The following PTHLH variants were observed in gnomAD, a reference collection of about 807,000 sequenced individuals.
The protein encoded by PTHLH is parathyroid hormone-related protein.
In PTHLH, 5 loss-of-function variants were observed where a neutral mutation model predicts 18.6. The observed-to-expected ratio is 0.27, with a 90% CI of 0.14 to 0.56. The LOEUF (loss-of-function observed/expected upper bound fraction) is 0.56. Among genes scored for constraint, PTHLH ranks in the 20% least tolerant of loss-of-function variants. PTHLH has a pLI of 0.92. For synonymous variants in PTHLH, 90 were observed against 94.0 expected (o/e 0.96, Z 0.25); for missense variants, 207 against 223.9 (o/e 0.92, Z 0.48).
At chr12:27,969,275 C>T in intron 4 of PTHLH, 119 bp downstream of exon 4, 1 of 1,014,430 alleles carries the variant, frequency 9.9e-7, no homozygotes, top group Non-Finnish European at 1.4e-6. Context: ...GATGGTCCCT[C>T]TCCCTAACCC....
chr12:27,961,243 C>T (rs1273759418), intron 5 of PTHLH, among the ~76,000 whole-genome samples: 1 of 110,628 alleles, frequency 9.0e-6, no homozygotes, highest in African/African-American at 3.2e-5. Context: ...AAATAAAATC[C>T]ATCAAAAGTT....
chr12:27,961,165 G>T lies in PTHLH; in HGVS notation c.524+2183C>A, dbSNP rs181731783. On this transcript the variant is annotated intron_variant, in intron 5 of 5. Coordinates refer to ENST00000545234, the MANE Select transcript of PTHLH (RefSeq NM_198965.2). Reference sequence around the variant, plus strand: ...CTTTAACTTAGGGGTAGTTCCAGGCGTAAGAATTGACGAGTGTTAATTTTC... The same window carrying T: ...CTTTAACTTAGGGGTAGTTCCAGGCTTAAGAATTGACGAGTGTTAATTTTC... Among the ~76,000 whole-genome samples the T allele has an allele frequency of 2.1e-4, 32 of 151,248 alleles. No homozygotes were observed. The East Asian group carries it at 6.2e-3, about 29-fold the overall frequency.
intron 5 of PTHLH, chr12:27,963,029 GAAGATGGTCACT>G (rs1420201329): frequency 1.6e-6 from 2 of 1,240,578 alleles, no homozygotes; most frequent in Middle Eastern, 3.3e-4. Context: ...AGCAAATTAT[GAAGATGGTCACT>G]AGCTTCTGAA....
intron 4 of PTHLH, among the ~76,000 whole-genome samples, chr12:27,965,527 TAC>T (rs2062805181): frequency 6.6e-6 from 1 of 152,192 alleles, no homozygotes; most frequent in African/African-American, 2.4e-5. Context: ...GAGATGAAAA[TAC>T]AGTCATCATT....
At chr12:27,963,194 A>G in intron 5 of PTHLH, 154 bp downstream of exon 5, 1 of 1,525,402 alleles carries the variant, frequency 6.6e-7, no homozygotes, top group Non-Finnish European at 8.8e-7. Context: ...TAAGGCAGAC[A>G]ATATTCTGAG....
At chr12:27,964,172 T>A (rs2120636564) in intron 4 of PTHLH, among the ~76,000 whole-genome samples, 1 of 151,956 alleles carries the variant, frequency 6.6e-6, no homozygotes, top group East Asian at 1.9e-4. Context: ...AGAGTTCTGC[T>A]GAGAAAATAA....
chr12:27,966,397 T>C (rs1490948553), intron 4 of PTHLH, among the ~76,000 whole-genome samples: 1 of 152,240 alleles, frequency 6.6e-6, no homozygotes, highest in Non-Finnish European at 1.5e-5. Flanking sequence ...CTTTACTTAG[T>C]ATTTCAAAAA....
intron 4 of PTHLH, 82 bp downstream of exon 4, chr12:27,969,312 A>G: frequency 7.4e-7 from 1 of 1,349,046 alleles, no homozygotes; most frequent in Non-Finnish European, 1.0e-6. Flanking sequence ...TGACCGCTGC[A>G]AGCCCTCGGC....
Position 27,969,479 on chromosome 12 carries a change from C to G in PTHLH, c.16G>C (p.Val6Leu). Reference sequence around the variant, plus strand: ...AACACCGCGACGCTCCACTGCTGAACCAGTCTCCGCTGCATCGTCTCCGCT... The same window carrying G: ...AACACCGCGACGCTCCACTGCTGAAGCAGTCTCCGCTGCATCGTCTCCGCT... MQRRL[V>L]QQWSVAVFLL... Residue 6 changes from valine to leucine, a missense_variant, in exon 4 of 6, where the codon GTT becomes CTT. Val to Leu is a conservative substitution (Grantham distance 32, BLOSUM62 1). Transcript: ENST00000545234. 1 of 1,586,662 alleles carries G rather than the reference C, an allele frequency of 6.3e-7. No individual in the cohort carries two copies. Among genetic ancestry groups the G allele is most frequent in the Non-Finnish European group, 8.6e-7 (1 of 1,168,286 alleles).
rs6252 is a variant in PTHLH, at chr12:27,958,140, T to C, written c.*419A>G. The C allele has an allele frequency of 0.045, 6,859 of 153,706 alleles. 226 individuals are homozygous for C. Among genetic ancestry groups the C allele is most frequent in the East Asian group, 0.13 (691 of 5,292 alleles). The allele number at this position is 153,706 out of a possible 1,614,324, so 9.5% of individuals were successfully genotyped here. On this transcript the variant is annotated 3_prime_UTR_variant, in exon 6 of 6. Coordinates refer to ENST00000545234, the MANE Select transcript of PTHLH (RefSeq NM_198965.2). ...CATTCTTTACAAATTTAAAATACTG[T>C]TATTTTTACATGCACAAAGGAAAAT...
In PTHLH at chr12:27,963,789, G is replaced by C. The variant is rs1461147815; in HGVS notation, c.102-19C>G. 6.2e-7 allele frequency: 1 copy of C among 1,612,486 alleles called. No individual in the cohort carries two copies. Among genetic ancestry groups the C allele is most frequent in the Admixed American group, 1.7e-5 (1 of 59,992 alleles). ...TCTTTTGCTTTGAAAGAAAATATTAGAGGGGAAGAAAACAGTTAAATTTTA... is the reference window on the plus strand; with the variant it reads ...TCTTTTGCTTTGAAAGAAAATATTACAGGGGAAGAAAACAGTTAAATTTTA... On this transcript the variant is annotated intron_variant, in intron 4 of 5. Coordinates refer to ENST00000545234, the MANE Select transcript of PTHLH (RefSeq NM_198965.2).
chr12:27,961,311 A>ACGTATATATATATATATACACG (rs3032442), intron 5 of PTHLH, among the ~76,000 whole-genome samples: 2 of 108,722 alleles, frequency 1.8e-5, no homozygotes, highest in African/African-American at 7.6e-5. Flanking sequence ...GTATATATAT[A>ACGTATATATATATATATACACG]TATATATATA....
rs1177020860 is a variant in PTHLH at position 27,970,202 on chromosome 12, G to A, written c.-200C>T. The A allele has an allele frequency of 7.9e-6, 4 of 507,108 alleles. No individual in the cohort carries two copies. The highest frequency in any genetic ancestry group is 5.5e-5 in the East Asian group (1 of 18,240). 31.4% of individuals were successfully genotyped at this position (507,108 alleles called of 1,614,324 possible). On this transcript the variant is annotated 5_prime_UTR_variant, in exon 3 of 6. Coordinates refer to ENST00000545234, the MANE Select transcript of PTHLH (RefSeq NM_198965.2). Reference sequence around the variant, plus strand: ...TCACGGGCGGGGAGACATGCTGGCCGGGCGGCGCAGGTTGGAGGCGAGTTG... The same window carrying A: ...TCACGGGCGGGGAGACATGCTGGCCAGGCGGCGCAGGTTGGAGGCGAGTTG...
intron 4 of PTHLH, among the ~76,000 whole-genome samples, chr12:27,965,313 T>G (rs12303255): frequency 9.2e-5 from 14 of 152,216 alleles, no homozygotes; most frequent in African/African-American, 3.1e-4. Flanking sequence ...GTTCCTGTGT[T>G]GAGGCAACAC....
At position 27,970,222 on chromosome 12, in the gene PTHLH, G is replaced by C; in HGVS notation, c.-220C>G. ...TGGCCGGGCGGCGCAGGTTGGAGGC[G>C]AGTTGAAAACCGAGCGGAGGAATGT... On this transcript the variant is annotated 5_prime_UTR_variant, in exon 3 of 6. Coordinates refer to ENST00000545234, the MANE Select transcript of PTHLH (RefSeq NM_198965.2). 2.0e-6 allele frequency: 1 copy of C among 492,022 alleles called. No homozygotes were observed. Among genetic ancestry groups the C allele is most frequent in the Non-Finnish European group, 4.0e-6 (1 of 247,500 alleles). The allele number at this position is 492,022 out of a possible 1,614,324, so 30.5% of individuals were successfully genotyped here.
chr12:27,959,935 T>C (rs2062739931), intron 5 of PTHLH, among the ~76,000 whole-genome samples: 1 of 135,452 alleles, frequency 7.4e-6, no homozygotes, highest in Non-Finnish European at 1.8e-5. Context: ...TGGTATTTTG[T>C]GAATTGAGTA....
chr12:27,969,405 G>C lies in PTHLH; in HGVS notation c.90C>G (p.Leu30=), dbSNP rs1478244052. The stretch of plus-strand genomic sequence containing the variant: ...GATGGGGCACTTACAGGCGGCGGCT[G>C]AGACCCTCCACCGAGCGCCCGCAGG... ...VPSCGRSVEG[L]SRRLKRAVSE... Residue 30 remains leucine, a synonymous_variant, in exon 4 of 6, where the codon CTC becomes CTG. Coordinates refer to ENST00000545234, the MANE Select transcript of PTHLH (RefSeq NM_198965.2). 2 of 1,582,414 alleles carry C rather than the reference G, an allele frequency of 1.3e-6. No homozygotes were observed. Among genetic ancestry groups the C allele is most frequent in the Non-Finnish European group, 1.7e-6 (2 of 1,167,422 alleles).
intron 5 of PTHLH, among the ~76,000 whole-genome samples, chr12:27,961,287 G>GTGTATA (rs370509924): frequency 2.9e-5 from 1 of 34,184 alleles, no homozygotes; most frequent in African/African-American, 1.2e-4. Context: ...ATATATATAC[G>GTGTATA]TATATATATA....
chr12:27,962,200 C>T (rs1050006749), intron 5 of PTHLH: 3 of 419,896 alleles, frequency 7.1e-6, no homozygotes, highest in African/African-American at 2.1e-5. Flanking sequence ...TTAATATTTG[C>T]CCCACTTTTT....
Sources: gnomAD v4.1 joint callset for allele counts (sites outside exome capture counted in the v4.1 genomes callset) on GRCh38, gnomAD v4.1.1 for gene constraint, MANE v1.5 for transcripts, NCBI Gene and HGNC (gene_info 2026-07-23, HGNC 2026-07-21) for gene names.